CDH13: variants seen among roughly 807,000 people sequenced by gnomAD.
The protein encoded by CDH13 is cadherin 13, also known as cadherin-13.
In CDH13, 24 loss-of-function variants were observed where a neutral mutation model predicts 63.8. The observed-to-expected ratio is 0.38, with a 90% CI of 0.27 to 0.53. CDH13 has a LOEUF of 0.53. Ranked by LOEUF, CDH13 falls within the 20% of genes least tolerant of loss-of-function variation. The probability of loss-of-function intolerance (pLI) is 0.85; values close to 1 mark genes in which losing one functional copy is unlikely to be tolerated. For synonymous variants in CDH13, 503 were observed against 355.3 expected (o/e 1.42, Z -4.67); for missense variants, 1,049 against 903.1 (o/e 1.16, Z -2.07).
intron 6 of CDH13, among the ~76,000 whole-genome samples, chr16:83,442,890 T>A (rs2072522086): frequency 1.3e-5 from 2 of 152,274 alleles, no homozygotes. Context: ...TCAAATGCTA[T>A]TATTTACTGA....
At chr16:82,871,495 C>A (rs2040339879) in intron 2 of CDH13, among the ~76,000 whole-genome samples, 1 of 152,134 alleles carries the variant, frequency 6.6e-6, no homozygotes, top group Non-Finnish European at 1.5e-5. Context: ...CACTAACAGG[C>A]ATCTAAAAGA....
intron 7 of CDH13, among the ~76,000 whole-genome samples, chr16:83,587,872 G>GC (rs1212060125): frequency 2.0e-5 from 3 of 152,010 alleles, no homozygotes; most frequent in African/African-American, 7.2e-5. Context: ...GGCAAATATG[G>GC]CCCCCCAGGG....
intron 7 of CDH13, among the ~76,000 whole-genome samples, chr16:83,525,127 C>A (rs559971804): frequency 6.6e-6 from 1 of 152,270 alleles, no homozygotes; most frequent in Admixed American, 6.5e-5. Context: ...CTTATAGCAA[C>A]CCCAGGGACA....
At chr16:83,144,132 C>G (rs1567873249) in intron 4 of CDH13, among the ~76,000 whole-genome samples, 1 of 152,148 alleles carries the variant, frequency 6.6e-6, no homozygotes, top group African/African-American at 2.4e-5. Flanking sequence ...ACAGCTAGTG[C>G]TTGGTCAACG....
At chr16:83,783,518 C>T (rs1915676771) in intron 13 of CDH13, 46 bp downstream of exon 13, 2 of 1,449,842 alleles carry the variant, frequency 1.4e-6, no homozygotes, top group Non-Finnish European at 1.9e-6. Context: ...GAAATTGTAA[C>T]TTCACTGGGT....
chr16:83,729,224 T>C (rs1256853960), intron 10 of CDH13, among the ~76,000 whole-genome samples: 3 of 152,198 alleles, frequency 2.0e-5, no homozygotes, highest in Admixed American at 2.0e-4. Context: ...ATATTATTTA[T>C]GTGCATATAC....
chr16:83,000,037 C>CA (rs568386134), intron 2 of CDH13, among the ~76,000 whole-genome samples: 1 of 151,802 alleles, frequency 6.6e-6, no homozygotes, highest in Non-Finnish European at 1.5e-5. Flanking sequence ...ACAACAACAA[C>CA]AAAAAAATAT....
intron 3 of CDH13, among the ~76,000 whole-genome samples, chr16:83,087,297 T>A (rs914393602): frequency 4.5e-4 from 69 of 152,332 alleles, no homozygotes; most frequent in Non-Finnish European, 9.1e-4. Context: ...ACTCATTTTA[T>A]TGCTTTGAAA....
chr16:83,479,735 A>C (rs1369355564), intron 6 of CDH13, among the ~76,000 whole-genome samples: 1 of 152,118 alleles, frequency 6.6e-6, no homozygotes, highest in Non-Finnish European at 1.5e-5. Flanking sequence ...GTGCATTCTC[A>C]AAGGGGGTAA....
chr16:82,858,281 T>C (rs952453295), intron 1 of CDH13, 81 bp from the exon 2 acceptor site: 4 of 839,184 alleles, frequency 4.8e-6, no homozygotes, highest in South Asian at 1.6e-5. Context: ...AGCTTGTTTC[T>C]AAAAGTTGCG....
chr16:82,819,565 A>C (rs2037897447), intron 1 of CDH13, among the ~76,000 whole-genome samples: 1 of 152,112 alleles, frequency 6.6e-6, no homozygotes, highest in Non-Finnish European at 1.5e-5. Context: ...ACCTCTAGCC[A>C]CACTGTGTTT....
At chr16:83,497,280 G>C (rs2074168012) in intron 7 of CDH13, among the ~76,000 whole-genome samples, 1 of 151,972 alleles carries the variant, frequency 6.6e-6, no homozygotes, top group African/African-American at 2.4e-5. Flanking sequence ...AACAATGATA[G>C]ACTGGATTAA....
chr16:82,674,111 A>T (rs1913614521), intron 1 of CDH13, among the ~76,000 whole-genome samples: 1 of 152,140 alleles, frequency 6.6e-6, no homozygotes, highest in Admixed American at 6.5e-5. Context: ...CAGTCTTGAA[A>T]TTCTTGATAT....
At chr16:83,564,033 A>G (rs1567767362) in intron 7 of CDH13, among the ~76,000 whole-genome samples, 1 of 152,228 alleles carries the variant, frequency 6.6e-6, no homozygotes, top group Non-Finnish European at 1.5e-5. Context: ...GGGATGTAGT[A>G]CCTTCCTCAC....
At chr16:83,361,223 T>C (rs151062028) in intron 6 of CDH13, among the ~76,000 whole-genome samples, 11 of 152,288 alleles carry the variant, frequency 7.2e-5, no homozygotes, top group African/African-American at 2.4e-4. Context: ...TGGATACTTG[T>C]TTGTCTTCTT....
Position 83,795,040 on chromosome 16 carries a change from A to G in CDH13, c.*10A>G. ...CTATTCAGGTCTGTGAGAACTCCTG[A>G]CGTCTGAAGCTTGACTCCCAAGTTT... On this transcript the variant is annotated 3_prime_UTR_variant, in exon 14 of 14. Coordinates refer to ENST00000567109, the MANE Select transcript of CDH13 (RefSeq NM_001257.5). 1 of 1,589,602 alleles carries G rather than the reference A, an allele frequency of 6.3e-7. No homozygotes were observed. Among genetic ancestry groups the G allele is most frequent in the Non-Finnish European group, 8.6e-7 (1 of 1,167,830 alleles).
intron 2 of CDH13, among the ~76,000 whole-genome samples, chr16:82,860,465 T>A (rs761343504): frequency 6.7e-6 from 1 of 149,574 alleles, no homozygotes; most frequent in African/African-American, 2.5e-5. Flanking sequence ...TGCTTCTGGG[T>A]AAGCTAGTAA....
At chr16:83,230,864 G>T (rs2151802555) in intron 5 of CDH13, among the ~76,000 whole-genome samples, 1 of 152,350 alleles carries the variant, frequency 6.6e-6, no homozygotes, top group Non-Finnish European at 1.5e-5. Context: ...ATAATTTTGG[G>T]TCAGCCCAGG....
At chr16:83,101,514 T>C (rs2034477744) in intron 3 of CDH13, among the ~76,000 whole-genome samples, 2 of 151,278 alleles carry the variant, frequency 1.3e-5, no homozygotes, top group South Asian at 2.1e-4. Flanking sequence ...GGGTAGAGGC[T>C]GGGCGTGGTG....
Sources: allele counts gnomAD v4.1 joint callset (sites outside exome capture counted in the v4.1 genomes callset), GRCh38; gene constraint gnomAD v4.1.1; transcripts MANE v1.5; gene names NCBI Gene and HGNC (gene_info 2026-07-23, HGNC 2026-07-21).